The following MUTYH variants were observed in gnomAD, a reference collection of about 807,000 sequenced individuals.
MUTYH encodes adenine DNA glycosylase.
Under a neutral mutation model 72.9 loss-of-function variants are expected in MUTYH, and 64 were observed. The observed-to-expected ratio is 0.88, with a 90% CI of 0.72 to 1.08. MUTYH has a LOEUF of 1.08. Ranked by LOEUF, MUTYH falls within the 50% of genes least tolerant of loss-of-function variation. The pLI is 0.00. For missense variants in MUTYH, 633 were observed against 671.0 expected (o/e 0.94, Z 0.63); for synonymous variants, 234 against 263.1 (o/e 0.89, Z 1.07).
chr1:45,340,082 G>C, upstream of MUTYH: 1 of 1,545,790 alleles, frequency 6.5e-7, no homozygotes, highest in Non-Finnish European at 8.7e-7. Flanking sequence ...CAATTAGCGC[G>C]CGCCAGGCTG....
intron 15 of MUTYH, among the ~76,000 whole-genome samples, chr1:45,330,228 C>CAAAAAAAAAAAAAAAAAAAAAAA (rs34168747): frequency 1.6e-5 from 1 of 62,940 alleles, no homozygotes; most frequent in Non-Finnish European, 2.9e-5. Context: ...GAGACTGTCT[C>CAAAAAAAAAAAAAAAAAAAAAAA]AAAAAAAAAA....
chr1:45,331,587 G>C (rs1400247145), intron 12 of MUTYH, 31 bp from the exon 13 acceptor site: 4 of 1,613,424 alleles, frequency 2.5e-6, no homozygotes, highest in Non-Finnish European at 3.4e-6. Flanking sequence ...GCAGGGGTCA[G>C]GCCTCAGCTG....
chr1:45,339,823 G>C (rs1646686831), intron 1 of MUTYH, 76 bp downstream of exon 1: 2 of 1,313,908 alleles, frequency 1.5e-6, no homozygotes, highest in Non-Finnish European at 2.0e-6. Flanking sequence ...CTAACTCCTG[G>C]GCGTGCTTTA....
In MUTYH at chr1:45,332,101, G is replaced by T; in HGVS notation, c.850-15C>A. The T allele has an allele frequency of 6.2e-7, 1 of 1,614,196 alleles. No individual in the cohort carries two copies. Among genetic ancestry groups the T allele is most frequent in the African/African-American group, 1.3e-5 (1 of 75,044 alleles). On this transcript the variant is annotated splice_polypyrimidine_tract_variant and intron_variant, in intron 10 of 15. Transcript: ENST00000456914. ...TCCTGCTCCACCTGAGAGGCACAGG[G>T]TTGAGTGTCATAGGGCAGAGTCACT...
chr1:45,340,343 G>T, upstream of MUTYH: 1 of 1,594,840 alleles, frequency 6.3e-7, no homozygotes, highest in Non-Finnish European at 8.5e-7. Context: ...AAGCCTCTGC[G>T]CTCTGGGAGA....
chr1:45,332,159 G>A lies in MUTYH; in HGVS notation c.849+7C>T, dbSNP rs775005184. On this transcript the variant is annotated splice_region_variant and intron_variant, in intron 10 of 15. Transcript: ENST00000456914. ...ACTTCTCACTGCCCCTTCCCCAGTA[G>A]GCTTACTCTCTGGCGTGCCCGGCAC... 4 of 1,614,188 alleles carry A rather than the reference G, an allele frequency of 2.5e-6. No homozygotes were observed. In the East Asian group the frequency reaches 8.9e-5, roughly 36 times the overall value.
chr1:45,333,661 T>C, intron 2 of MUTYH, 100 bp from the exon 3 acceptor site: 1 of 1,520,724 alleles, frequency 6.6e-7, no homozygotes, highest in Non-Finnish European at 8.8e-7. Context: ...CACTTAGGGC[T>C]TCCCCCAACT....
rs1114167684 is a variant in MUTYH, at chr1:45,332,953, G to A, written c.385C>T (p.Pro129Ser). 1 of 1,614,054 alleles carries A rather than the reference G, an allele frequency of 6.2e-7. No individual in the cohort carries two copies. The highest frequency in any genetic ancestry group is 8.5e-7 in the Non-Finnish European group (1 of 1,179,994). ...NYYTGWMQKWPTLQDLASASL... is the reference protein window; with the variant it reads ...NYYTGWMQKWSTLQDLASASL... ...GCACTGGCCAGGTCCTGCAGTGTAG[G>A]CCACTTCTATAGCCACAGGCAGGCA... Residue 129 changes from proline to serine, a missense_variant, in exon 6 of 16, where the codon CCT becomes TCT. Transcript: ENST00000456914.
chr1:45,339,957 A>G lies in MUTYH; in HGVS notation c.-65T>C, dbSNP rs1222986309. 5 of 1,505,898 alleles carry G rather than the reference A, an allele frequency of 3.3e-6. No homozygotes were observed. Among genetic ancestry groups the G allele is most frequent in the Non-Finnish European group, 4.5e-6 (5 of 1,118,456 alleles). The allele number at this position is 1,505,898 out of a possible 1,614,324, so 93.3% of individuals were successfully genotyped here. ...GGAGGCCCCGCGTTCCCGCCGCGAG[A>G]GCAGGAGAGAAAGATTACCTCCCGC... On this transcript the variant is annotated 5_prime_UTR_variant, in exon 1 of 16. Transcript: ENST00000456914.
chr1:45,332,330 C>A lies in MUTYH; in HGVS notation c.705-20G>T, dbSNP rs1645059942. The A allele has an allele frequency of 6.2e-7, 1 of 1,613,990 alleles. No individual in the cohort carries two copies. The highest frequency in any genetic ancestry group is 1.3e-5 in the African/African-American group (1 of 74,928). On this transcript the variant is annotated intron_variant, in intron 9 of 15. Transcript: ENST00000456914. ...AGACCCCTAAAAGAAGGGAACACTG[C>A]TGTGAAGCAGAGCTCCTTTGCAGAC...
At chr1:45,338,315 T>C (rs147033761) in intron 1 of MUTYH, 17 of 528,542 alleles carry the variant, frequency 3.2e-5, no homozygotes, top group African/African-American at 7.4e-5. Context: ...CTAGCCAAGG[T>C]TGACTGAATT....
At position 45,331,321 on chromosome 1, in the gene MUTYH, A is replaced by G; in HGVS notation, c.1253T>C (p.Phe418Ser). The G allele has an allele frequency of 1.9e-6, 3 of 1,614,154 alleles. No individual in the cohort carries two copies. The South Asian group carries it at 3.3e-5, about 18-fold the overall frequency. Residue 418 changes from phenylalanine (F) to serine (S), a missense_variant, in exon 14 of 16, where the codon TTC becomes TCC. By Grantham distance (155) the Phe-to-Ser change is radical. Coordinates refer to ENST00000456914, the MANE Select transcript of MUTYH (RefSeq NM_001048174.2). Reference sequence around the variant, plus strand: ...TTGATATGTCAGCTTGATGTGAGAGAAGGTGTGGACAACCTGGAGGAAGGG... The same window carrying G: ...TTGATATGTCAGCTTGATGTGAGAGGAGGTGTGGACAACCTGGAGGAAGGG... Reference protein sequence around the residue: ...LRHLGEVVHTFSHIKLTYQVY... With the variant: ...LRHLGEVVHTSSHIKLTYQVY...
At chr1:45,340,010 G>T (rs1646757870), upstream of MUTYH, 1 of 1,539,118 alleles carries the variant, frequency 6.5e-7, no homozygotes, top group East Asian at 2.5e-5. Context: ...GCTTTCCGGC[G>T]CACTCCAGGG....
Position 45,330,539 on chromosome 1 carries a change from C to T in MUTYH, c.1411G>A (p.Gly471Ser), listed in dbSNP as rs1553124088. ...ACCATACAGGTCCCTGGCTGTTGGC[C>T]CTGATACACACGGAAAACCTAGACA... ...AMKKVFRVYQGQQPGTCMGSK... is the reference protein window; with the variant it reads ...AMKKVFRVYQSQQPGTCMGSK... The change falls in exon 15 of 16, where the codon GGC becomes AGC. Residue 471 changes from glycine (G) to serine (S), a missense_variant. By Grantham distance (56) the Gly-to-Ser change is moderately conservative. Coordinates refer to ENST00000456914, the MANE Select transcript of MUTYH (RefSeq NM_001048174.2). The T allele has an allele frequency of 5.0e-6, 8 of 1,609,738 alleles. No individual in the cohort carries two copies. The highest frequency in any genetic ancestry group is 1.1e-5 in the South Asian group (1 of 90,078).
chr1:45,333,115 G>A lies in MUTYH; in HGVS notation c.360C>T (p.Tyr120=), dbSNP rs1570433022. 3.1e-6 allele frequency: 5 copies of A among 1,614,170 alleles called. No homozygotes were observed. The South Asian group carries it at 3.3e-5, about 11-fold the overall frequency. ...GAGTCACCTGCATCCATCCGGTATA[G>A]TAGTTGATCACAGTGGCAACCTGGG... ...QQTQVATVIN[Y]YTGWMQKWPT... is the part of the protein sequence containing the mutation. Residue 120 remains tyrosine (Y), a synonymous_variant, in exon 5 of 16, where the codon TAC becomes TAT. Coordinates refer to ENST00000456914, the MANE Select transcript of MUTYH (RefSeq NM_001048174.2).
In MUTYH at chr1:45,333,539, C is replaced by T. The variant is rs376861118; in HGVS notation, c.138G>A (p.Glu46=). 13 of 1,613,950 alleles carry T rather than the reference C, an allele frequency of 8.1e-6. No individual in the cohort carries two copies. The highest frequency in any genetic ancestry group is 6.7e-5 in the East Asian group (3 of 44,894). ...AGGAGACAGAGGCCTGCAATACCAC[C>T]TCTTCCGGCTGCCTGGCCAGGCCTG... ...ACDGLARQPE[E]VVLQASVSSY... Residue 46 remains glutamate, a synonymous_variant, in exon 3 of 16, where the codon GAG becomes GAA. Transcript: ENST00000456914.
chr1:45,335,630 GCAGAT>G (rs543968017), intron 1 of MUTYH, among the ~76,000 whole-genome samples: 169 of 152,248 alleles, frequency 1.1e-3, no homozygotes, highest in African/African-American at 3.5e-3. Context: ...GCTAAGGCAG[GCAGAT>G]CACTTGAGGC....
At chr1:45,339,747 C>T in intron 1 of MUTYH, 152 bp downstream of exon 1, 1 of 1,014,842 alleles carries the variant, frequency 9.9e-7, no homozygotes, top group Non-Finnish European at 1.4e-6. Context: ...CTGAGCTCTC[C>T]ATCCTCTCTG....
chr1:45,340,034 TC>T, upstream of MUTYH: 9 of 1,539,848 alleles, frequency 5.8e-6, no homozygotes, highest in South Asian at 1.1e-4. Context: ...GTGGCTCGGG[TC>T]CACCCGGGCT....
Sources: gnomAD v4.1 joint callset for allele counts (sites outside exome capture counted in the v4.1 genomes callset) on GRCh38, gnomAD v4.1.1 for gene constraint, MANE v1.5 for transcripts, NCBI Gene and HGNC (gene_info 2026-07-23, HGNC 2026-07-21) for gene names.